The following SPATS2 variants were observed in gnomAD, a reference collection of about 807,000 sequenced individuals.
SPATS2 encodes the protein spermatogenesis-associated serine-rich protein 2.
A neutral mutation model predicts 63.7 loss-of-function variants in SPATS2; 38 were observed. The ratio of observed to expected loss-of-function variants is 0.60; its 90% CI spans 0.46 to 0.78. The LOEUF is 0.78. Ranked by LOEUF, SPATS2 falls within the 30% of genes least tolerant of loss-of-function variation. SPATS2 has a pLI of 0.00. For synonymous variants in SPATS2, 207 were observed against 232.9 expected (o/e 0.89, Z 1.01); for missense variants, 588 against 666.2 (o/e 0.88, Z 1.29).
intron 2 of SPATS2, among the ~76,000 whole-genome samples, chr12:49,371,498 A>G (rs149868580): frequency 1.8e-4 from 27 of 152,328 alleles, no homozygotes; most frequent in Non-Finnish European, 3.5e-4. Flanking sequence ...GCTGTTGTGA[A>G]TAATGGTGCT....
At chr12:49,498,145 A>AAAAATATATATAT (rs66900382) in intron 8 of SPATS2, among the ~76,000 whole-genome samples, 117 of 98,904 alleles carry the variant, frequency 1.2e-3, no homozygotes, top group African/African-American at 4.7e-3. Flanking sequence ...AAAAAAAAAA[A>AAAAATATATATAT]ATATATATAT....
At chr12:49,486,300 G>T in intron 4 of SPATS2, 1 of 432,478 alleles carries the variant, frequency 2.3e-6, no homozygotes, top group Admixed American at 2.5e-5. Context: ...CCGCCTCCCG[G>T]GTTCAAGTGA....
intron 9 of SPATS2, among the ~76,000 whole-genome samples, chr12:49,504,770 C>CTTTCTTTCT (rs1220484266): frequency 1.2e-4 from 12 of 98,862 alleles, no homozygotes; most frequent in Non-Finnish European, 1.8e-4. Context: ...TTCTTTCTTT[C>CTTTCTTTCT]TTTTTTTTTT....
intron 2 of SPATS2, among the ~76,000 whole-genome samples, chr12:49,375,170 GTGTGTGTGTGTGTGTGTGTGTGT>G (rs1398129757): frequency 2.2e-5 from 3 of 134,932 alleles, no homozygotes; most frequent in Admixed American, 2.1e-4. Flanking sequence ...GTGTGTGTGT[GTGTGTGTGTGTGTGTGTGTGTGT>G]GTGGTGGTAG....
chr12:49,466,213 G>A (rs1004853738), intron 3 of SPATS2, among the ~76,000 whole-genome samples: 8 of 151,870 alleles, frequency 5.3e-5, no homozygotes, highest in African/African-American at 1.7e-4. Context: ...ACCCAGGCTG[G>A]AGTACAGTGG....
chr12:49,496,123 CACAT>C (rs2137914316), intron 7 of SPATS2, among the ~76,000 whole-genome samples: 1 of 152,278 alleles, frequency 6.6e-6, no homozygotes, highest in African/African-American at 2.4e-5. Context: ...TTAGTATACA[CACAT>C]ACACAAAAAA....
At chr12:49,458,828 T>C (rs1352523107) in intron 2 of SPATS2, among the ~76,000 whole-genome samples, 1 of 152,110 alleles carries the variant, frequency 6.6e-6, no homozygotes, top group East Asian at 1.9e-4. Context: ...TTAAAATGTT[T>C]AGTAATATAG....
rs776614581 is a variant in SPATS2, at chr12:49,522,839, A to G, written c.1097A>G (p.Asp366Gly). The G allele has an allele frequency of 6.2e-7, 1 of 1,613,378 alleles. No homozygotes were observed. The highest frequency in any genetic ancestry group is 1.7e-5 in the Admixed American group (1 of 59,988). Residue 366 changes from aspartate to glycine, a missense_variant, in exon 12 of 14, where the codon GAT becomes GGT. Transcript: ENST00000552918. ...GTAGAGACCCTAAAGAAGAGCATTGATTCATTTGGACAAGGTGAGATGGTG... is the reference window on the plus strand; with the variant it reads ...GTAGAGACCCTAAAGAAGAGCATTGGTTCATTTGGACAAGGTGAGATGGTG... ...CDVETLKKSI[D>G]SFGQVSHPKN...
At chr12:49,460,693 C>A in intron 2 of SPATS2, 77 bp from the exon 3 acceptor site, 3 of 294,490 alleles carry the variant, frequency 1.0e-5, no homozygotes, top group East Asian at 7.5e-5. Context: ...CAAAAGAAAC[C>A]TTGTGGATAT....
chr12:49,476,321 C>T (rs886231079), intron 3 of SPATS2, among the ~76,000 whole-genome samples: 12 of 152,134 alleles, frequency 7.9e-5, no homozygotes, highest in Non-Finnish European at 1.6e-4. Context: ...CCTGGTCCGC[C>T]TAGTGGCCCG....
chr12:49,477,870 C>T (rs1345007869), intron 3 of SPATS2, among the ~76,000 whole-genome samples: 1 of 151,560 alleles, frequency 6.6e-6, no homozygotes, highest in African/African-American at 2.4e-5. Context: ...AGTCGTATTT[C>T]CTCCAATAAG....
intron 11 of SPATS2, among the ~76,000 whole-genome samples, chr12:49,519,659 C>T (rs1050341063): frequency 6.7e-6 from 1 of 149,028 alleles, no homozygotes; most frequent in African/African-American, 2.5e-5. Context: ...GTCTGAAGGA[C>T]TGTGCAGTCT....
intron 3 of SPATS2, among the ~76,000 whole-genome samples, chr12:49,473,550 A>G (rs920565653): frequency 5.9e-5 from 9 of 152,238 alleles, no homozygotes; most frequent in African/African-American, 2.2e-4. Flanking sequence ...CTATTTTTGT[A>G]TATATTCAAC....
intron 10 of SPATS2, 41 bp from the exon 11 acceptor site, chr12:49,519,032 T>G: frequency 5.9e-6 from 9 of 1,522,536 alleles, no homozygotes; most frequent in Middle Eastern, 1.7e-4. Context: ...TTTATCCTAT[T>G]TAGCAGCAAC....
intron 3 of SPATS2, among the ~76,000 whole-genome samples, chr12:49,473,432 A>C (rs369371180): frequency 8.1e-4 from 123 of 152,102 alleles, no homozygotes; most frequent in East Asian, 2.5e-3. Flanking sequence ...CATACACACA[A>C]AAAAAAATCT....
chr12:49,386,832 T>C (rs985036156), intron 2 of SPATS2, among the ~76,000 whole-genome samples: 1 of 152,038 alleles, frequency 6.6e-6, no homozygotes, highest in African/African-American at 2.4e-5. Flanking sequence ...CTAATTGATA[T>C]TGTGAAAGCA....
chr12:49,385,383 T>C (rs1461040192), intron 2 of SPATS2, among the ~76,000 whole-genome samples: 1 of 150,718 alleles, frequency 6.6e-6, no homozygotes, highest in Non-Finnish European at 1.5e-5. Context: ...TGTGTGTGTG[T>C]GTGTGTGGCA....
chr12:49,524,331 T>C (rs1398139798), intron 12 of SPATS2, among the ~76,000 whole-genome samples: 1 of 152,222 alleles, frequency 6.6e-6, no homozygotes, highest in African/African-American at 2.4e-5. Context: ...ACTGAACATA[T>C]GGTCTGTACT....
rs548848433 is a variant in SPATS2, at chr12:49,458,776, G to A, written c.-243-1994G>A. On this transcript the variant is annotated intron_variant, in intron 2 of 13. Coordinates refer to ENST00000552918, the MANE Select transcript of SPATS2 (RefSeq NM_023071.4). ...ATTGTTAGCACATCTCTGCTGGCAG[G>A]AACTTATGCTTTCTTTACCCAGAAA... Among the ~76,000 whole-genome samples, 8 of 151,492 alleles carry A rather than the reference G, an allele frequency of 5.3e-5. No individual in the cohort carries two copies. In the East Asian group the frequency reaches 1.5e-3, roughly 29 times the overall value.
Sources: allele counts gnomAD v4.1 joint callset (sites outside exome capture counted in the v4.1 genomes callset), GRCh38; gene constraint gnomAD v4.1.1; transcripts MANE v1.5; gene names NCBI Gene and HGNC (gene_info 2026-07-23, HGNC 2026-07-21).